RANGAP1: variants seen among roughly 807,000 people sequenced by gnomAD.
RANGAP1 encodes the protein Ran GTPase activating protein 1, also known as ran GTPase-activating protein 1.
A neutral mutation model predicts 63.5 loss-of-function variants in RANGAP1; 38 were observed. That is an observed-to-expected ratio of 0.60 (90% CI 0.46 to 0.78). The LOEUF is 0.78. Among genes scored for constraint, RANGAP1 ranks in the 30% least tolerant of loss-of-function variants. RANGAP1 has a pLI of 0.00. For missense variants in RANGAP1, 630 were observed against 740.3 expected (o/e 0.85, Z 1.73); for synonymous variants, 329 against 310.5 (o/e 1.06, Z -0.63).
intron 10 of RANGAP1, 22 bp from the exon 11 acceptor site, chr22:41,254,516 G>A (rs1010889189): frequency 6.4e-7 from 1 of 1,565,162 alleles, no homozygotes; most frequent in Non-Finnish European, 8.6e-7. Flanking sequence ...GCTGGCTGAA[G>A]CAGATCCTCT....
Position 41,245,328 on chromosome 22 carries a change from A to G in RANGAP1, c.*1275T>C, listed in dbSNP as rs1324199025. Among the ~76,000 whole-genome samples, 1 of 152,218 alleles carries G rather than the reference A, an allele frequency of 6.6e-6. No individual in the cohort carries two copies. The highest frequency in any genetic ancestry group is 1.5e-5 in the Non-Finnish European group (1 of 68,026). The stretch of plus-strand genomic sequence containing the variant: ...GTCCTCACATATGTGGCAGTGGAGC[A>G]AAGGATCCCAAGGGAGGTGGCTTCC... On this transcript the variant is annotated 3_prime_UTR_variant, in exon 16 of 16. Transcript: ENST00000356244.
chr22:41,266,624 C>T (rs2034491464), intron 4 of RANGAP1, among the ~76,000 whole-genome samples: 1 of 152,190 alleles, frequency 6.6e-6, no homozygotes, highest in African/African-American at 2.4e-5. Flanking sequence ...ACCTTCACCT[C>T]CCAGGTTCAA....
chr22:41,274,971 C>G (rs137978463), intron 2 of RANGAP1, among the ~76,000 whole-genome samples: 1 of 152,148 alleles, frequency 6.6e-6, no homozygotes, highest in Non-Finnish European at 1.5e-5. Flanking sequence ...AAAAGAGCAA[C>G]TGGATGCTCA....
the RANGAP1 span, among the ~76,000 whole-genome samples, chr22:41,294,553 G>C: frequency 6.9e-6 from 1 of 144,428 alleles, no homozygotes; most frequent in African/African-American, 2.6e-5. Context: ...TGGCTGCCCA[G>C]TCTGGAAAGT....
intron 2 of RANGAP1, among the ~76,000 whole-genome samples, chr22:41,276,081 C>G (rs2035125032): frequency 6.6e-6 from 1 of 150,884 alleles, no homozygotes. Context: ...TTGGAAAAAT[C>G]TGTTATAGCA....
intron 15 of RANGAP1, among the ~76,000 whole-genome samples, chr22:41,248,713 C>CT (rs1227681888): frequency 6.6e-6 from 1 of 152,232 alleles, no homozygotes; most frequent in African/African-American, 2.4e-5. Flanking sequence ...GGCAAGCCTC[C>CT]CGACCCCTCC....
In RANGAP1 at chr22:41,245,385, G is replaced by A. The variant is rs953378028; in HGVS notation, c.*1218C>T. On this transcript the variant is annotated 3_prime_UTR_variant, in exon 16 of 16. Transcript: ENST00000356244. The stretch of plus-strand genomic sequence containing the variant: ...AAGGAGCAACGCAGAAGCCAAGCGA[G>A]CTGCAGCCCAAAGGCAGGGTGCTGG... 2.6e-5 allele frequency among the ~76,000 whole-genome samples: 4 copies of A among 152,232 alleles called. No individual in the cohort carries two copies. The highest frequency in any genetic ancestry group is 2.6e-4 in the Admixed American group (4 of 15,284).
chr22:41,259,295 G>C (rs962238171), intron 6 of RANGAP1, among the ~76,000 whole-genome samples: 1 of 152,132 alleles, frequency 6.6e-6, no homozygotes, highest in African/African-American at 2.4e-5. Flanking sequence ...GCAATGGGGG[G>C]AGCGGGTGGT....
At chr22:41,268,513 C>T (rs1438788220) in intron 3 of RANGAP1, among the ~76,000 whole-genome samples, 1 of 151,974 alleles carries the variant, frequency 6.6e-6, no homozygotes, top group African/African-American at 2.4e-5. Flanking sequence ...CCTTGGTCTC[C>T]CAAAGTGCTG....
chr22:41,297,596 C>T, the RANGAP1 span, among the ~76,000 whole-genome samples: 1 of 151,268 alleles, frequency 6.6e-6, no homozygotes, highest in South Asian at 2.1e-4. Flanking sequence ...CTGCTGCCTC[C>T]ACCTTCTTGG....
intron 7 of RANGAP1, 32 bp from the exon 8 acceptor site, chr22:41,256,856 G>A (rs571946915): frequency 1.3e-6 from 2 of 1,578,826 alleles, no homozygotes; most frequent in African/African-American, 1.3e-5. Context: ...CCAGAGTGAG[G>A]GTGCAGACCA....
upstream of RANGAP1, among the ~76,000 whole-genome samples, chr22:41,287,468 C>G (rs1428996947): frequency 6.7e-6 from 1 of 149,700 alleles, no homozygotes; most frequent in East Asian, 1.9e-4. Flanking sequence ...GAGTGTGAGA[C>G]CAGCCTGGGC....
chr22:41,251,107 A>G lies in RANGAP1; in HGVS notation c.1383T>C (p.Thr461=). The change falls in exon 13 of 16, where the codon ACT becomes ACC. Residue 461 remains threonine, a splice_region_variant and synonymous_variant. Transcript: ENST00000356244. ...CCACCTTCTCGGGGTCAGACGTGTC[A>G]GTCTGAGGACAAAAGAGACAATGGT... is the stretch of plus-strand genomic sequence containing the variant. ...PKSSVLIAQQ[T]DTSDPEKVVS... is the part of the protein sequence containing the mutation. 1.2e-6 allele frequency: 2 copies of G among 1,613,004 alleles called. No individual in the cohort carries two copies. The highest frequency in any genetic ancestry group is 1.7e-6 in the Non-Finnish European group (2 of 1,179,172).
chr22:41,299,586 G>GTAAA, the RANGAP1 span, among the ~76,000 whole-genome samples: 1 of 152,088 alleles, frequency 6.6e-6, no homozygotes, highest in Non-Finnish European at 1.5e-5. Context: ...TTTTGAGAGG[G>GTAAA]TAAAAGAATC....
At chr22:41,262,334 G>A (rs909853654) in intron 5 of RANGAP1, among the ~76,000 whole-genome samples, 3 of 152,100 alleles carry the variant, frequency 2.0e-5, no homozygotes, top group African/African-American at 7.2e-5. Flanking sequence ...AGAATCACGA[G>A]CGAGTGCACC....
intron 2 of RANGAP1, among the ~76,000 whole-genome samples, chr22:41,279,217 T>G (rs1344438535): frequency 6.6e-6 from 1 of 151,822 alleles, no homozygotes; most frequent in East Asian, 2.0e-4. Context: ...ACGCCTGTTA[T>G]CCCAGTACTT....
chr22:41,249,181 C>T (rs1220112832), intron 15 of RANGAP1, 149 bp downstream of exon 15: 3 of 1,150,612 alleles, frequency 2.6e-6, no homozygotes, highest in East Asian at 2.6e-5. Context: ...ATGCTGAGAG[C>T]CCAGGAGGCA....
chr22:41,301,228 A>G, the RANGAP1 span, among the ~76,000 whole-genome samples: 3 of 152,098 alleles, frequency 2.0e-5, no homozygotes, highest in Non-Finnish European at 2.9e-5. Context: ...TGGAAGCCGG[A>G]GAAGGGGGGC....
At chr22:41,287,972 C>T (rs374580548), upstream of RANGAP1, among the ~76,000 whole-genome samples, 19 of 152,114 alleles carry the variant, frequency 1.2e-4, no homozygotes, top group African/African-American at 3.4e-4. Context: ...GCAACAAGAG[C>T]GAAACTCCGT....
Sources: gnomAD v4.1 joint callset for allele counts (sites outside exome capture counted in the v4.1 genomes callset) on GRCh38, gnomAD v4.1.1 for gene constraint, MANE v1.5 for transcripts, NCBI Gene and HGNC (gene_info 2026-07-23, HGNC 2026-07-21) for gene names.